The following GALNT3 variants were observed in gnomAD, a reference collection of about 807,000 sequenced individuals.
GALNT3 encodes polypeptide N-acetylgalactosaminyltransferase 3.
Under a neutral mutation model 69.8 loss-of-function variants are expected in GALNT3, and 51 were observed. The observed-to-expected ratio is 0.73, with a 90% CI of 0.58 to 0.92. GALNT3 has a LOEUF of 0.92. Among genes scored for constraint, GALNT3 ranks in the 40% least tolerant of loss-of-function variants. The pLI is 0.00. For synonymous variants in GALNT3, 265 were observed against 248.5 expected (o/e 1.07, Z -0.63); for missense variants, 711 against 760.0 (o/e 0.94, Z 0.76).
chr2:165,793,082 G>A (rs1218909049), intron 1 of GALNT3, among the ~76,000 whole-genome samples: 1 of 152,124 alleles, frequency 6.6e-6, no homozygotes, highest in Non-Finnish European at 1.5e-5. Context: ...GGAAAGAGAA[G>A]GAAATAAAAG....
At chr2:165,770,133 T>C in intron 2 of GALNT3, 53 bp downstream of exon 2, 1 of 1,606,744 alleles carries the variant, frequency 6.2e-7, no homozygotes, top group East Asian at 2.2e-5. Context: ...CACCCCTCTC[T>C]CCCCTGCAAA....
At position 165,776,374 on chromosome 2, in the gene GALNT3, T is replaced by C. The variant is rs145843164; in HGVS notation, c.-108-5566A>G. The stretch of plus-strand genomic sequence containing the variant: ...AACAGCAAACTCAGGATATAACATG[T>C]CATATTTGCACATTAGAAATGATTA... On this transcript the variant is annotated intron_variant, in intron 1 of 10. Transcript: ENST00000392701. Among the ~76,000 whole-genome samples, 733 of 152,240 alleles carry C rather than the reference T, an allele frequency of 4.8e-3. 5 individuals are homozygous for C. Among genetic ancestry groups the C allele is most frequent in the African/African-American group, 0.017 (713 of 41,548 alleles).
intron 9 of GALNT3, 65 bp from the exon 10 acceptor site, chr2:165,749,959 A>T: frequency 7.4e-7 from 1 of 1,356,160 alleles, no homozygotes; most frequent in Admixed American, 1.7e-5. Flanking sequence ...AAATAAATAA[A>T]TAAATCAGCA....
intron 1 of GALNT3, among the ~76,000 whole-genome samples, chr2:165,783,764 AT>A (rs1683162975): frequency 1.3e-5 from 2 of 152,196 alleles, no homozygotes; most frequent in African/African-American, 4.8e-5. Context: ...TGCTCTAGAA[AT>A]TCTAAAAGAC....
intron 9 of GALNT3, among the ~76,000 whole-genome samples, 165 bp downstream of exon 9, chr2:165,754,462 C>CA (rs67722214): frequency 1.6e-4 from 21 of 133,684 alleles, no homozygotes; most frequent in African/African-American, 3.5e-4. Context: ...GAGTAAAAAC[C>CA]AAAAAAAAAT....
intron 4 of GALNT3, among the ~76,000 whole-genome samples, chr2:165,761,394 T>C (rs185572511): frequency 2.6e-5 from 4 of 152,184 alleles, no homozygotes; most frequent in Middle Eastern, 3.4e-3. Context: ...GTATTTTTAG[T>C]AGAGACAGGG....
At chr2:165,762,169 T>C (rs1433234777) in intron 3 of GALNT3, 115 bp from the exon 4 acceptor site, 1 of 802,018 alleles carries the variant, frequency 1.2e-6, no homozygotes, top group African/African-American at 1.7e-5. Context: ...TCTTAACAGT[T>C]GCATGTGTCC....
At chr2:165,750,745 T>C (rs570663415) in intron 9 of GALNT3, among the ~76,000 whole-genome samples, 2 of 152,206 alleles carry the variant, frequency 1.3e-5, no homozygotes, top group Middle Eastern at 3.2e-3. Flanking sequence ...ACATGAAATC[T>C]TTCTTTTTGA....
At position 165,748,475 on chromosome 2, in the gene GALNT3, C is replaced by T. The variant is rs748933834; in HGVS notation, c.*306G>A. 2.5e-5 allele frequency: 10 copies of T among 407,414 alleles called. No individual in the cohort carries two copies. The highest frequency in any genetic ancestry group is 4.1e-5 in the Non-Finnish European group (9 of 220,596). 25.2% of individuals were successfully genotyped at this position (407,414 alleles called of 1,614,324 possible). ...TGTGAATGTAGCTATATATATATATCCCTAAGTGTACAAAACACACAAACA... is the reference window on the plus strand; with the variant it reads ...TGTGAATGTAGCTATATATATATATTCCTAAGTGTACAAAACACACAAACA... On this transcript the variant is annotated 3_prime_UTR_variant, in exon 11 of 11. Coordinates refer to ENST00000392701, the MANE Select transcript of GALNT3 (RefSeq NM_004482.4).
At chr2:165,786,648 A>T (rs76183880) in intron 1 of GALNT3, among the ~76,000 whole-genome samples, 13,259 of 152,094 alleles carry the variant, frequency 0.087, 773 homozygotes, top group Non-Finnish European at 0.13. Flanking sequence ...AATATTTTCA[A>T]TCTAAGGTTG....
In GALNT3 at chr2:165,792,280, T is replaced by G. The variant is rs1683370158; in HGVS notation, c.-109+1735A>C. Among the ~76,000 whole-genome samples, 7 of 152,234 alleles carry G rather than the reference T, an allele frequency of 4.6e-5. 1 individual carries two copies. The South Asian group carries it at 1.4e-3, about 31-fold the overall frequency. On this transcript the variant is annotated intron_variant, in intron 1 of 10. Transcript: ENST00000392701. Reference sequence around the variant, plus strand: ...TAAGTTACACTGTTACTCTAGCTAATGAAAACATGTTACATTTCTCACTAG... The same window carrying G: ...TAAGTTACACTGTTACTCTAGCTAAGGAAAACATGTTACATTTCTCACTAG...
chr2:165,768,622 G>T (rs1296626946), intron 2 of GALNT3, among the ~76,000 whole-genome samples: 1 of 152,086 alleles, frequency 6.6e-6, no homozygotes, highest in Non-Finnish European at 1.5e-5. Context: ...AATGTTAAGG[G>T]ACTCATATAC....
intron 1 of GALNT3, among the ~76,000 whole-genome samples, chr2:165,777,353 AATT>A (rs1682982195): frequency 6.6e-6 from 1 of 152,240 alleles, no homozygotes; most frequent in South Asian, 2.1e-4. Flanking sequence ...CACTATTGTG[AATT>A]ATTATAAAAC....
At chr2:165,754,866 T>C (rs765646462) in intron 8 of GALNT3, 66 bp downstream of exon 8, 81 of 1,557,536 alleles carry the variant, frequency 5.2e-5, no homozygotes, top group South Asian at 4.6e-5. Context: ...AGCAATTTTC[T>C]TAGAACCACA....
chr2:165,775,194 A>T (rs1406529213), intron 1 of GALNT3, among the ~76,000 whole-genome samples: 1 of 152,162 alleles, frequency 6.6e-6, no homozygotes. Context: ...CTTTTAACTG[A>T]AATTATCTAA....
intron 3 of GALNT3, among the ~76,000 whole-genome samples, chr2:165,762,982 T>G (rs1239617574): frequency 2.7e-5 from 4 of 150,818 alleles, no homozygotes; most frequent in African/African-American, 9.7e-5. Context: ...TTTTTTTTTT[T>G]TAGAGACGGG....
Position 165,749,808 on chromosome 2 carries a change from C to T in GALNT3, c.1713G>A (p.Leu571=). The change falls in exon 10 of 11, where the codon CTG becomes CTA. Residue 571 remains leucine, a synonymous_variant. Transcript: ENST00000392701. ...CLHAAQGLVQ[L]KACTYKGHKT... is the part of the protein sequence containing the mutation. ...TGTGACCTTTGTAGGTACATGCCTT[C>T]AGCTGAACGAGACCTTGAGCAGCAT... is the stretch of plus-strand genomic sequence containing the variant. The T allele has an allele frequency of 6.2e-7, 1 of 1,613,724 alleles. No homozygotes were observed. Among genetic ancestry groups the T allele is most frequent in the Non-Finnish European group, 8.5e-7 (1 of 1,179,686 alleles).
chr2:165,763,253 C>T (rs976450466), intron 3 of GALNT3, among the ~76,000 whole-genome samples: 1 of 152,094 alleles, frequency 6.6e-6, no homozygotes, highest in African/African-American at 2.4e-5. Context: ...AATAAATGTC[C>T]TGGGGCAAAA....
chr2:165,763,786 A>G (rs997540470), intron 3 of GALNT3, among the ~76,000 whole-genome samples: 1 of 152,192 alleles, frequency 6.6e-6, no homozygotes, highest in Non-Finnish European at 1.5e-5. Flanking sequence ...GCTCCCATGC[A>G]CACCCTTTAT....
Sources: allele counts gnomAD v4.1 joint callset (sites outside exome capture counted in the v4.1 genomes callset), GRCh38; gene constraint gnomAD v4.1.1; transcripts MANE v1.5; gene names NCBI Gene and HGNC (gene_info 2026-07-23, HGNC 2026-07-21).